The following OCLN variants were observed in gnomAD, a reference collection of about 807,000 sequenced individuals.
OCLN encodes the protein phosphatase 1, regulatory subunit 115.
Under a neutral mutation model 47.9 loss-of-function variants are expected in OCLN, and 21 were observed. The observed-to-expected ratio is 0.44, with a 90% CI of 0.31 to 0.63. The LOEUF is 0.63. OCLN is among the 30% of genes least tolerant of loss of function. The probability of loss-of-function intolerance (pLI) is 0.08; values close to 1 mark genes in which losing one functional copy is unlikely to be tolerated. For missense variants in OCLN, 360 were observed against 571.0 expected (o/e 0.63, Z 3.77); for synonymous variants, 117 against 198.4 (o/e 0.59, Z 3.45).
At chr5:69,499,403 A>G (rs1398181830) in intron 1 of OCLN, among the ~76,000 whole-genome samples, 2 of 151,962 alleles carry the variant, frequency 1.3e-5, no homozygotes, top group Non-Finnish European at 2.9e-5. Context: ...TTTCCCCTGA[A>G]TATTTTCTGT....
chr5:69,502,535 C>T (rs1475817756), intron 1 of OCLN: 1 of 152,176 alleles, frequency 6.6e-6, no homozygotes, highest in African/African-American at 2.4e-5. Flanking sequence ...GTGAACAAAA[C>T]ATGCAAAAAT....
At chr5:69,526,543 C>T (rs887683732) in intron 4 of OCLN, among the ~76,000 whole-genome samples, 1 of 51,954 alleles carries the variant, frequency 1.9e-5, no homozygotes, top group African/African-American at 3.7e-5. Context: ...GTTTTTCTAC[C>T]TCATCCCCTT....
intron 4 of OCLN, among the ~76,000 whole-genome samples, chr5:69,519,217 G>A (rs570104879): frequency 1.1e-4 from 17 of 152,198 alleles, no homozygotes; most frequent in African/African-American, 3.9e-4. Context: ...GATTGGGGTC[G>A]GTCTAGAATT....
chr5:69,523,206 T>C (rs991448305), intron 4 of OCLN, among the ~76,000 whole-genome samples: 1 of 152,214 alleles, frequency 6.6e-6, no homozygotes, highest in African/African-American at 2.4e-5. Context: ...AATGGTCAAC[T>C]TGAATAATAC....
Position 69,493,344 on chromosome 5 carries a change from G to C in OCLN, c.-69+444G>C, listed in dbSNP as rs982446798. Among the ~76,000 whole-genome samples the C allele has an allele frequency of 1.3e-5, 2 of 152,046 alleles. No individual in the cohort carries two copies. The highest frequency in any genetic ancestry group is 3.9e-4 in the East Asian group (2 of 5,140). Reference sequence around the variant, plus strand: ...AGCCTGAGGCTGCAGCGAGGCGGCTGTTCGGCGGCCCGGGCGGCTTAGATC... The same window carrying C: ...AGCCTGAGGCTGCAGCGAGGCGGCTCTTCGGCGGCCCGGGCGGCTTAGATC... On this transcript the variant is annotated intron_variant, in intron 1 of 8. Coordinates refer to ENST00000396442, the MANE Select transcript of OCLN (RefSeq NM_001205254.2). The surrounding 1 kb of genome is among the most constrained non-coding windows in gnomAD (Gnocchi z 5.3).
chr5:69,550,188 ATTT>A (rs796132410), intron 7 of OCLN, among the ~76,000 whole-genome samples: 20 of 58,924 alleles, frequency 3.4e-4, no homozygotes, highest in African/African-American at 7.0e-4. Context: ...TACTTATCTA[ATTT>A]TTTTTTTTTT....
chr5:69,515,079 C>A (rs1768892954), intron 4 of OCLN, among the ~76,000 whole-genome samples: 2 of 152,100 alleles, frequency 1.3e-5, no homozygotes, highest in South Asian at 4.1e-4. Flanking sequence ...CAGAGGGGCT[C>A]CTCACTTCCC....
chr5:69,506,054 A>G (rs1035123260), intron 2 of OCLN, among the ~76,000 whole-genome samples: 15 of 152,214 alleles, frequency 9.9e-5, no homozygotes, highest in African/African-American at 3.6e-4. Context: ...ACAGTAAATC[A>G]GGATTCCCAC....
chr5:69,511,274 G>GCA (rs1768778072), intron 3 of OCLN, among the ~76,000 whole-genome samples: 1 of 148,726 alleles, frequency 6.7e-6, no homozygotes, highest in African/African-American at 2.5e-5. Flanking sequence ...TAGTAGAGAT[G>GCA]GGGTTTCACC....
At chr5:69,533,819 A>AT (rs1474760160) in intron 4 of OCLN, among the ~76,000 whole-genome samples, 2 of 151,710 alleles carry the variant, frequency 1.3e-5, no homozygotes, top group Non-Finnish European at 2.9e-5. Context: ...CGCCCAGCTA[A>AT]TTTTTTTTGT....
intron 1 of OCLN, among the ~76,000 whole-genome samples, chr5:69,503,027 T>C (rs1426549032): frequency 6.6e-6 from 1 of 152,218 alleles, no homozygotes; most frequent in Non-Finnish European, 1.5e-5. Context: ...TTCACATCTC[T>C]TTCTGACCCT....
At position 69,504,367 on chromosome 5, in the gene OCLN, T is replaced by A; in HGVS notation, c.50+73T>A. ...TGTAAACAATAAGTATGGTTGAAAC[T>A]TTAAGTGTTTGCTTTTAAAAATAAA... On this transcript the variant is annotated intron_variant, in intron 2 of 8. Transcript: ENST00000396442. 4 of 906,184 alleles carry A rather than the reference T, an allele frequency of 4.4e-6. No individual in the cohort carries two copies. The South Asian group carries it at 5.5e-5, about 12-fold the overall frequency. 56.1% of individuals were successfully genotyped at this position (906,184 alleles called of 1,614,324 possible).
chr5:69,507,428 C>T lies in OCLN; in HGVS notation c.51-1713C>T, dbSNP rs546888537. ...ATAGGTGTGAGCCACCACATCTGGC[C>T]AGTTTTACCTGTTTTAAAACTTTAT... On this transcript the variant is annotated intron_variant, in intron 2 of 8. Coordinates refer to ENST00000396442, the MANE Select transcript of OCLN (RefSeq NM_001205254.2). Among the ~76,000 whole-genome samples, 11 of 152,232 alleles carry T rather than the reference C, an allele frequency of 7.2e-5. No homozygotes were observed. The East Asian group carries it at 2.1e-3, about 29-fold the overall frequency.
Position 69,514,086 on chromosome 5 carries a change from C to T in OCLN, c.868C>T (p.Gln290Ter). The stretch of plus-strand genomic sequence containing the variant: ...GGACAAGGAACACATTTATGATGAG[C>T]AGCCCCCCAATGTCGAGGAGTGGGT... ...LWDKEHIYDE[Q>*]PPNVEEWVKN... The change falls in exon 4 of 9, where the codon CAG (glutamine) becomes TAG (stop). Residue 290 changes from glutamine to a stop codon, truncating the protein, a stop_gained. Transcript: ENST00000396442. LOFTEE classifies it high-confidence loss of function. 1 of 1,614,062 alleles carries T rather than the reference C, an allele frequency of 6.2e-7. No homozygotes were observed. The highest frequency in any genetic ancestry group is 8.5e-7 in the Non-Finnish European group (1 of 1,179,940).
At chr5:69,548,262 T>C (rs1188380648) in intron 7 of OCLN, among the ~76,000 whole-genome samples, 161 bp downstream of exon 7, 1 of 141,006 alleles carries the variant, frequency 7.1e-6, no homozygotes, top group Non-Finnish European at 1.6e-5. Context: ...AATTCTTTCC[T>C]AATAGAAGAT....
At chr5:69,526,791 G>A (rs781693475) in intron 4 of OCLN, among the ~76,000 whole-genome samples, 3 of 152,234 alleles carry the variant, frequency 2.0e-5, no homozygotes, top group Admixed American at 2.0e-4. Flanking sequence ...ATGGAGTTGG[G>A]ACAAGAGCTT....
intron 1 of OCLN, among the ~76,000 whole-genome samples, chr5:69,497,869 A>G (rs1768340855): frequency 1.3e-5 from 2 of 152,180 alleles, no homozygotes; most frequent in Admixed American, 6.5e-5. Flanking sequence ...AAAGAAATGC[A>G]CCTTTAAAAA....
chr5:69,549,832 C>G (rs1769814082), intron 7 of OCLN, among the ~76,000 whole-genome samples: 1 of 151,252 alleles, frequency 6.6e-6, no homozygotes, highest in Non-Finnish European at 1.5e-5. Context: ...TTTTGTAGCT[C>G]TAATTGTTCT....
intron 4 of OCLN, among the ~76,000 whole-genome samples, chr5:69,525,331 C>T (rs1028388339): frequency 1.3e-5 from 2 of 152,032 alleles, no homozygotes; most frequent in Non-Finnish European, 2.9e-5. Flanking sequence ...GTCTCGATCT[C>T]CTGACCTCAT....
Sources: allele counts gnomAD v4.1 joint callset (sites outside exome capture counted in the v4.1 genomes callset), GRCh38; gene constraint gnomAD v4.1.1; non-coding constraint Gnocchi (gnomAD v3.1); transcripts MANE v1.5; gene names NCBI Gene and HGNC (gene_info 2026-07-23, HGNC 2026-07-21).